The following ZNF66 variants were observed in gnomAD, a reference collection of about 807,000 sequenced individuals.
The protein encoded by ZNF66 is zinc finger protein 66, also known as putative zinc finger protein 66.
Under a neutral mutation model 35.2 loss-of-function variants are expected in ZNF66, and 32 were observed. The observed-to-expected ratio is 0.91, with a 90% confidence interval of 0.69 to 1.22. ZNF66 has a LOEUF of 1.22. ZNF66 is among the 50% of genes most tolerant of loss of function. The probability of loss-of-function intolerance (pLI) is 0.00; values close to 1 mark genes in which losing one functional copy is unlikely to be tolerated. For missense variants in ZNF66, 666 were observed against 543.1 expected, an observed-to-expected ratio of 1.23 and a Z score of -2.25; for synonymous variants, 231 against 181.3, an observed-to-expected ratio of 1.27 and a Z score of -2.20.
Position 20,788,915 on chromosome 19 carries a change from G to T in ZNF66, c.4-3597G>T, listed in dbSNP as rs147611053. ...ATAATACAAAAATTAGCTGGGCGTG[G>T]TGGCACACATCTGTAGTTTCAGCTA... On this transcript the variant is annotated intron_variant, in intron 1 of 3. Transcript: ENST00000344519. 2.9e-3 allele frequency among the ~76,000 whole-genome samples: 446 copies of T among 152,000 alleles called. 2 individuals carry two copies. Among genetic ancestry groups the T allele is most frequent in the African/African-American group, 1.0e-2 (413 of 41,470 alleles).
At chr19:20,804,328 C>A (rs1051202756) in intron 3 of ZNF66, among the ~76,000 whole-genome samples, 1 of 152,028 alleles carries the variant, frequency 6.6e-6, no homozygotes, top group African/African-American at 2.4e-5. Flanking sequence ...ACTGCAACCT[C>A]CATCTCCCAG....
At chr19:20,798,694 C>T (rs1258356036) in intron 3 of ZNF66, among the ~76,000 whole-genome samples, 1 of 152,206 alleles carries the variant, frequency 6.6e-6, no homozygotes, top group African/African-American at 2.4e-5. Context: ...TACACTCTTT[C>T]CAGCCCTTGA....
chr19:20,782,700 C>T (rs565245454), intron 1 of ZNF66, among the ~76,000 whole-genome samples: 5 of 152,188 alleles, frequency 3.3e-5, no homozygotes, highest in African/African-American at 1.2e-4. Context: ...TTTTTGCCTA[C>T]AATTTAATGA....
Position 20,776,395 on chromosome 19 carries a change from C to A in ZNF66, c.-53C>A, listed in dbSNP as rs1412092366. ...CCAGCCTCTGTGGCCCTGTGTCCTGCAGGTATTGGGAGATCCACAGCTAAG... is the reference window on the plus strand; with the variant it reads ...CCAGCCTCTGTGGCCCTGTGTCCTGAAGGTATTGGGAGATCCACAGCTAAG... On this transcript the variant is annotated 5_prime_UTR_variant, in exon 1 of 4. Transcript: ENST00000344519. 123 of 1,546,916 alleles carry A rather than the reference C, an allele frequency of 8.0e-5. 1 individual carries two copies. Among genetic ancestry groups the A allele is most frequent in the Non-Finnish European group, 7.1e-6 (8 of 1,121,092 alleles).
At chr19:20,801,239 GTC>G (rs1971444840) in intron 3 of ZNF66, among the ~76,000 whole-genome samples, 1 of 151,948 alleles carries the variant, frequency 6.6e-6, no homozygotes, top group Admixed American at 6.6e-5. Context: ...GCTAAAATGA[GTC>G]TCTTGTAGGG....
intron 1 of ZNF66, among the ~76,000 whole-genome samples, chr19:20,783,685 A>G (rs1389027317): frequency 6.6e-6 from 1 of 152,222 alleles, no homozygotes; most frequent in African/African-American, 2.4e-5. Flanking sequence ...ATCCAAGGTA[A>G]TTATCCAATA....
intron 3 of ZNF66, among the ~76,000 whole-genome samples, chr19:20,803,311 C>CTT (rs71174750): frequency 2.1e-4 from 27 of 131,556 alleles, no homozygotes; most frequent in African/African-American, 3.8e-4. Flanking sequence ...CTCTTTCTGT[C>CTT]TTTTTTTTTT....
At chr19:20,798,671 C>T (rs1388663821) in intron 3 of ZNF66, among the ~76,000 whole-genome samples, 1 of 152,168 alleles carries the variant, frequency 6.6e-6, no homozygotes, top group Non-Finnish European at 1.5e-5. Context: ...CATTAAGTAA[C>T]AACTGCTCAT....
intron 3 of ZNF66, chr19:20,799,131 A>G (rs379793): frequency 0.093 from 13,279 of 142,248 alleles, 603 homozygotes; most frequent in Middle Eastern, 0.13. Flanking sequence ...GTGCGATCTC[A>G]GCTCACTGCA....
chr19:20,797,226 G>T (rs1452505486), intron 3 of ZNF66, among the ~76,000 whole-genome samples: 4 of 29,726 alleles, frequency 1.3e-4, no homozygotes, highest in East Asian at 1.0e-3. Context: ...TTTTTTTTTT[G>T]AGACGGAGTC....
intron 1 of ZNF66, among the ~76,000 whole-genome samples, chr19:20,780,055 T>C (rs1463878187): frequency 1.3e-5 from 2 of 151,240 alleles, no homozygotes; most frequent in Non-Finnish European, 3.0e-5. Flanking sequence ...AGGTTGCTGT[T>C]AGCCAAGATC....
intron 3 of ZNF66, 54 bp from the exon 4 acceptor site, chr19:20,805,773 T>G: frequency 4.1e-6 from 2 of 491,792 alleles, no homozygotes; most frequent in Non-Finnish European, 7.3e-6. Flanking sequence ...ATTTGTAAAG[T>G]ATATTTATCT....
Position 20,809,499 on chromosome 19 carries a change from A to T in ZNF66, c.*2177A>T, listed in dbSNP as rs539867961. Among the ~76,000 whole-genome samples, 1 of 152,216 alleles carries T rather than the reference A, an allele frequency of 6.6e-6. No individual in the cohort carries two copies. The highest frequency in any genetic ancestry group is 2.4e-5 in the African/African-American group (1 of 41,448). On this transcript the variant is annotated 3_prime_UTR_variant, in exon 4 of 4. Transcript: ENST00000344519. ...CTGACCTCTTGGCAGAAACTCTATA[A>T]GCCAGAAGAGAGTGGGGGCCAATAT...
At chr19:20,797,867 G>A (rs1971410455) in intron 3 of ZNF66, among the ~76,000 whole-genome samples, 1 of 152,046 alleles carries the variant, frequency 6.6e-6, no homozygotes, top group African/African-American at 2.4e-5. Context: ...TGGCCTCAGT[G>A]TAGGTTTCTT....
At chr19:20,796,917 C>T (rs998223648) in intron 3 of ZNF66, among the ~76,000 whole-genome samples, 1 of 152,092 alleles carries the variant, frequency 6.6e-6, no homozygotes, top group Non-Finnish European at 1.5e-5. Flanking sequence ...GTGGTGTGAT[C>T]GTGGCTCACT....
chr19:20,776,484 G>A (rs779022565), intron 1 of ZNF66, 34 bp downstream of exon 1: 12 of 1,532,364 alleles, frequency 7.8e-6, no homozygotes, highest in Non-Finnish European at 9.9e-6. Flanking sequence ...CGAGAGAGGT[G>A]AAGTGTCTGT....
At chr19:20,792,678 A>G in intron 2 of ZNF66, 40 bp downstream of exon 2, 1 of 1,087,230 alleles carries the variant, frequency 9.2e-7, no homozygotes, top group Non-Finnish European at 1.3e-6. Flanking sequence ...ATATACACAA[A>G]TTGTTTTATT....
At position 20,782,502 on chromosome 19, in the gene ZNF66, G is replaced by A. The variant is rs74585089; in HGVS notation, c.3+6052G>A. Among the ~76,000 whole-genome samples the A allele has an allele frequency of 3.9e-3, 587 of 152,256 alleles. 17 individuals are homozygous for A. In the East Asian group the frequency reaches 0.084, roughly 22 times the overall value. On this transcript the variant is annotated intron_variant, in intron 1 of 3. Transcript: ENST00000344519. Reference sequence around the variant, plus strand: ...TTACACTCCCACCAGAAGAGTATAAGCATTCTGTTTTCTCTGCAACCTTGC... The same window carrying A: ...TTACACTCCCACCAGAAGAGTATAAACATTCTGTTTTCTCTGCAACCTTGC...
intron 3 of ZNF66, among the ~76,000 whole-genome samples, chr19:20,805,122 TGTGTGA>T (rs1472103548): frequency 1.1e-3 from 165 of 143,786 alleles, no homozygotes; most frequent in African/African-American, 4.1e-3. Context: ...TGTGTGTGTG[TGTGTGA>T]GAGAGAGAGA....
Sources: gnomAD v4.1 joint callset for allele counts (sites outside exome capture counted in the v4.1 genomes callset) on GRCh38, gnomAD v4.1.1 for gene constraint, MANE v1.5 for transcripts, NCBI Gene and HGNC (gene_info 2026-07-23, HGNC 2026-07-21) for gene names.